TBL1XR1: variants seen among roughly 807,000 people sequenced by gnomAD.
The protein encoded by TBL1XR1 is TBL1X/Y related 1, also known as F-box-like/WD repeat-containing protein TBL1XR1.
TBL1XR1 carries 5 observed loss-of-function variants against 66.9 expected under a neutral mutation model. That is an observed-to-expected ratio of 0.07 (90% confidence interval 0.04 to 0.16). The LOEUF is 0.16. Ranked by LOEUF, TBL1XR1 falls within the 10% of genes least tolerant of loss-of-function variation. The pLI is 1.00. For synonymous variants in TBL1XR1, 210 were observed against 206.0 expected (o/e 1.02, Z -0.17); for missense variants, 238 against 623.2 (o/e 0.38, Z 6.58).
intron 1 of TBL1XR1, among the ~76,000 whole-genome samples, chr3:177,152,631 C>G (rs1731034660): frequency 3.9e-5 from 6 of 152,166 alleles, no homozygotes. Context: ...AAGCTGTCAT[C>G]TGTATTTCCT....
intron 1 of TBL1XR1, among the ~76,000 whole-genome samples, chr3:177,169,253 C>A (rs893955266): frequency 2.6e-5 from 4 of 152,028 alleles, no homozygotes; most frequent in African/African-American, 9.7e-5. Flanking sequence ...GAATTTATAC[C>A]TTTTGTAATC....
intron 1 of TBL1XR1, among the ~76,000 whole-genome samples, chr3:177,147,969 G>A (rs34088211): frequency 7.3e-4 from 111 of 152,320 alleles, no homozygotes; most frequent in Non-Finnish European, 1.4e-3. Context: ...GAGCTACCTG[G>A]TAGCAATATG....
intron 1 of TBL1XR1, chr3:177,194,036 G>A (rs530292022): frequency 2.6e-5 from 4 of 152,312 alleles, no homozygotes; most frequent in African/African-American, 9.6e-5. Flanking sequence ...TGGCTCTATG[G>A]TTACAGGGCA....
intron 2 of TBL1XR1, among the ~76,000 whole-genome samples, chr3:177,086,747 C>G (rs1722173658): frequency 6.6e-6 from 1 of 151,514 alleles, no homozygotes; most frequent in African/African-American, 2.4e-5. Flanking sequence ...TTGTACAAAG[C>G]AGGAGTTAGG....
intron 14 of TBL1XR1, among the ~76,000 whole-genome samples, chr3:177,030,342 T>C (rs1327142170): frequency 6.6e-6 from 1 of 151,898 alleles, no homozygotes; most frequent in East Asian, 1.9e-4. Flanking sequence ...TGGAATAGTC[T>C]AAATAAATAA....
chr3:177,135,307 C>CTGTGTG (rs376418228), intron 1 of TBL1XR1, among the ~76,000 whole-genome samples: 18,547 of 73,174 alleles, frequency 0.25, 3,601 homozygotes, highest in East Asian at 0.58. Context: ...AGGCCGCACT[C>CTGTGTG]TGTGTGTGTG....
rs1356961283 is a variant in TBL1XR1 at position 177,020,463 on chromosome 3, TA to T, written c.*5034del. On this transcript the variant is annotated 3_prime_UTR_variant, in exon 16 of 16. Coordinates refer to ENST00000457928, the MANE Select transcript of TBL1XR1 (RefSeq NM_024665.7). ...AAAATTTGTAATTTTATTATGGGCT[TA>T]AAGTATATATCTTGGGAAACAATAC... is the stretch of plus-strand genomic sequence containing the variant. The T allele has an allele frequency of 6.6e-6, 1 of 152,166 alleles. No individual in the cohort carries two copies. Among genetic ancestry groups the T allele is most frequent in the Non-Finnish European group, 1.5e-5 (1 of 68,000 alleles). The allele number at this position is 152,166 out of a possible 1,614,324, so 9.4% of individuals were successfully genotyped here. A position where few individuals can be genotyped will look rare whatever the true frequency, so the allele number is the denominator to read the frequency against.
intron 1 of TBL1XR1, among the ~76,000 whole-genome samples, chr3:177,134,148 C>G (rs2108796033): frequency 6.6e-6 from 1 of 152,294 alleles, no homozygotes; most frequent in South Asian, 2.1e-4. Flanking sequence ...ACTGCCAAGT[C>G]AGCCCACTGT....
At chr3:177,151,549 C>T (rs1730890427) in intron 1 of TBL1XR1, among the ~76,000 whole-genome samples, 1 of 152,114 alleles carries the variant, frequency 6.6e-6, no homozygotes, top group Non-Finnish European at 1.5e-5. Flanking sequence ...ACCCGCCTAC[C>T]CTCTGTCCGT....
intron 1 of TBL1XR1, among the ~76,000 whole-genome samples, chr3:177,148,767 T>C (rs1730538275): frequency 6.6e-6 from 1 of 151,868 alleles, no homozygotes; most frequent in South Asian, 2.1e-4. Context: ...CCCTGCACTT[T>C]GGGAGGCCGG....
Position 177,019,795 on chromosome 3 carries a change from A to G in TBL1XR1, c.*5703T>C, listed in dbSNP as rs890380012. ...CCTTAGGAGTCCAACCCTTTTTGGA[A>G]AAGTATACAATGCAGGATATTACTA... On this transcript the variant is annotated 3_prime_UTR_variant, in exon 16 of 16. Transcript: ENST00000457928. 2 of 152,220 alleles carry G rather than the reference A, an allele frequency of 1.3e-5. No individual in the cohort carries two copies. Among genetic ancestry groups the G allele is most frequent in the African/African-American group, 2.4e-5 (1 of 41,550 alleles). The allele number at this position is 152,220 out of a possible 1,614,324, so 9.4% of individuals were successfully genotyped here. A position where few individuals can be genotyped will look rare whatever the true frequency, so the allele number is the denominator to read the frequency against.
rs113882415 is a variant in TBL1XR1 at position 177,139,337 on chromosome 3, C to T, written c.-121-40796G>A. 3.5e-4 allele frequency among the ~76,000 whole-genome samples: 54 copies of T among 152,208 alleles called. 2 individuals carry two copies. The highest frequency in any genetic ancestry group is 1.3e-3 in the African/African-American group (53 of 41,534). On this transcript the variant is annotated intron_variant, in intron 1 of 15. Transcript: ENST00000457928. ...AGAAGTTCGAGACCAGCCTGGCCAA[C>T]GTGGTGAAACCCTGTCTCTACTAAA...
intron 1 of TBL1XR1, among the ~76,000 whole-genome samples, chr3:177,118,681 A>G (rs187405701): frequency 5.9e-5 from 9 of 152,330 alleles, no homozygotes; most frequent in African/African-American, 2.2e-4. Flanking sequence ...ACTATTTGCC[A>G]TGCTTCATTT....
intron 2 of TBL1XR1, among the ~76,000 whole-genome samples, chr3:177,096,689 T>TC (rs1723537719): frequency 6.6e-6 from 1 of 152,094 alleles, no homozygotes; most frequent in South Asian, 2.1e-4. Context: ...GAGCAGATAC[T>TC]CCAAATACCA....
In TBL1XR1 at chr3:177,024,713, G is replaced by GAAAAAAAAAAAAAAAAAAAA. The variant is rs148659524; in HGVS notation, c.*784_*785insTTTTTTTTTTTTTTTTTTTT. ...AGCCACATCACCAAAAAACAAAAAA[G>GAAAAAAAAAAAAAAAAAAAA]AAAAAAAAAAAAAAAAAGCAAAACA... is the stretch of plus-strand genomic sequence containing the variant. On this transcript the variant is annotated 3_prime_UTR_variant, in exon 16 of 16. Transcript: ENST00000457928. The GAAAAAAAAAAAAAAAAAAAA allele has an allele frequency of 1.2e-5, 1 of 85,374 alleles. No homozygotes were observed. The highest frequency in any genetic ancestry group is 2.5e-5 in the Non-Finnish European group (1 of 39,966). 5.3% of individuals were successfully genotyped at this position (85,374 alleles called of 1,614,324 possible).
chr3:177,173,021 A>G lies in TBL1XR1; in HGVS notation c.-122+24100T>C, dbSNP rs921675493. ...AACCTCGTATCTACTAAACACAAAC[A>G]AACAAAAAATACAAAATTAGCCGGG... On this transcript the variant is annotated intron_variant, in intron 1 of 15. Coordinates refer to ENST00000457928, the MANE Select transcript of TBL1XR1 (RefSeq NM_024665.7). Among the ~76,000 whole-genome samples, 4 of 152,070 alleles carry G rather than the reference A, an allele frequency of 2.6e-5. No homozygotes were observed. In the East Asian group the frequency reaches 5.8e-4, roughly 22 times the overall value.
intron 1 of TBL1XR1, among the ~76,000 whole-genome samples, chr3:177,144,973 C>A (rs1730078483): frequency 6.6e-6 from 1 of 152,178 alleles, no homozygotes; most frequent in African/African-American, 2.4e-5. Context: ...AGGCTGGCCA[C>A]ATTTGGCCTG....
intron 1 of TBL1XR1, among the ~76,000 whole-genome samples, chr3:177,185,198 C>T (rs1169614549): frequency 6.6e-6 from 1 of 152,176 alleles, no homozygotes; most frequent in Non-Finnish European, 1.5e-5. Flanking sequence ...CAGTCTCTTC[C>T]ACAGCTTTCT....
chr3:177,049,907 G>A (rs1716826359), intron 7 of TBL1XR1, 90 bp downstream of exon 7: 2 of 1,446,630 alleles, frequency 1.4e-6, no homozygotes, highest in South Asian at 1.3e-5. Flanking sequence ...CCCAAATTCT[G>A]AACAAATAGA....
Sources: gnomAD v4.1 joint callset for allele counts (sites outside exome capture counted in the v4.1 genomes callset) on GRCh38, gnomAD v4.1.1 for gene constraint, MANE v1.5 for transcripts, NCBI Gene and HGNC (gene_info 2026-07-23, HGNC 2026-07-21) for gene names.